Variants in ADGRV1 observed in about 807,000 individuals in gnomAD.
The protein encoded by ADGRV1 is G-protein coupled receptor 98.
ADGRV1 carries 359 observed loss-of-function variants against 596.2 expected under a neutral mutation model. The observed-to-expected ratio is 0.60, with a 90% CI of 0.55 to 0.66. The LOEUF is 0.66. Ranked by LOEUF, ADGRV1 falls within the 30% of genes least tolerant of loss-of-function variation. The pLI is 0.00. For synonymous variants in ADGRV1, 2,681 were observed against 2,679.2 expected (o/e 1.00, Z -0.02); for missense variants, 7,274 against 7,575.6 (o/e 0.96, Z 1.48).
intron 1 of ADGRV1, among the ~76,000 whole-genome samples, chr5:90,565,152 G>C (rs749691486): frequency 1.1e-4 from 17 of 152,198 alleles, no homozygotes; most frequent in Admixed American, 2.0e-4. Flanking sequence ...CAAGAGAATC[G>C]TTTGAACGCG....
chr5:90,742,229 A>G (rs1345191492), intron 50 of ADGRV1, among the ~76,000 whole-genome samples: 1 of 152,214 alleles, frequency 6.6e-6, no homozygotes, highest in African/African-American at 2.4e-5. Context: ...GATAACTGCT[A>G]TGAAAGGATA....
chr5:91,131,820 TG>T (rs1794243600), intron 87 of ADGRV1, among the ~76,000 whole-genome samples: 1 of 152,202 alleles, frequency 6.6e-6, no homozygotes, highest in African/African-American at 2.4e-5. Context: ...TGTCGATTTT[TG>T]TTTTTGTTAC....
intron 43 of ADGRV1, chr5:90,717,335 C>T (rs950254629): frequency 5.3e-5 from 8 of 149,708 alleles, no homozygotes; most frequent in African/African-American, 1.7e-4. Context: ...GGCACATGTA[C>T]ACATATGTAA....
chr5:91,148,317 AG>A (rs1795728778), intron 87 of ADGRV1, among the ~76,000 whole-genome samples: 1 of 152,170 alleles, frequency 6.6e-6, no homozygotes, highest in Non-Finnish European at 1.5e-5. Flanking sequence ...CTCCCATCAC[AG>A]GCCCGGAGGC....
rs140362954 is a variant in ADGRV1 at position 90,972,074 on chromosome 5, T to C, written c.17973+6543T>C. On this transcript the variant is annotated intron_variant, in intron 84 of 89. Transcript: ENST00000405460. ...ATCCTAGTCTCTGATAAAACAGACT[T>C]TAGACCAATAAAGCTCAAAAGAGAC... 2.0e-3 allele frequency among the ~76,000 whole-genome samples: 297 copies of C among 152,242 alleles called. 1 individual carries two copies. The highest frequency in any genetic ancestry group is 6.6e-3 in the African/African-American group (275 of 41,542).
At chr5:91,001,832 C>G (rs1348986926) in intron 85 of ADGRV1, among the ~76,000 whole-genome samples, 1 of 151,998 alleles carries the variant, frequency 6.6e-6, no homozygotes, top group Non-Finnish European at 1.5e-5. Context: ...GTCTTTCTAT[C>G]TCACACATTT....
chr5:91,046,849 G>T (rs1385029170), intron 85 of ADGRV1, among the ~76,000 whole-genome samples: 1 of 152,000 alleles, frequency 6.6e-6, no homozygotes, highest in African/African-American at 2.4e-5. Context: ...TCCAAAAGTG[G>T]GCTAAGGACA....
chr5:90,781,536 G>A lies in ADGRV1; in HGVS notation c.13189G>A (p.Glu4397Lys), dbSNP rs1317620605. 1 of 1,611,184 alleles carries A rather than the reference G, an allele frequency of 6.2e-7. No individual in the cohort carries two copies. Among genetic ancestry groups the A allele is most frequent in the East Asian group, 2.2e-5 (1 of 44,800 alleles). ...RIIIMKNDNA[E>K]GIIEFDPKYT... is the part of the protein sequence containing the mutation. ...CATAATAATGAAAAATGATAACGCAGAAGGCATCATTGAATTTGACCCAAA... is the reference window on the plus strand; with the variant it reads ...CATAATAATGAAAAATGATAACGCAAAAGGCATCATTGAATTTGACCCAAA... Residue 4397 changes from glutamate (E) to lysine (K), a missense_variant, in exon 65 of 90, where the codon GAA (glutamate) becomes AAA (lysine). Physicochemically the swap from Glu to Lys is moderately conservative, Grantham distance 56 (BLOSUM62 1). Around this residue, in one of 5 missense-constraint regions of ADGRV1, gnomAD observed 3,643 missense variants for 3,809.2 expected, o/e 0.96. Transcript: ENST00000405460.
At chr5:91,058,244 C>T (rs1787078125) in intron 85 of ADGRV1, among the ~76,000 whole-genome samples, 1 of 152,122 alleles carries the variant, frequency 6.6e-6, no homozygotes, top group Non-Finnish European at 1.5e-5. Flanking sequence ...ATGACCTCTA[C>T]TATCCCTTCT....
intron 86 of ADGRV1, among the ~76,000 whole-genome samples, chr5:91,099,444 A>C (rs541436739): frequency 6.6e-6 from 1 of 152,282 alleles, no homozygotes; most frequent in East Asian, 1.9e-4. Context: ...CGGTGTCAGA[A>C]GCCAATCGTT....
intron 64 of ADGRV1, among the ~76,000 whole-genome samples, chr5:90,780,421 G>C (rs1758715135): frequency 6.6e-6 from 1 of 152,038 alleles, no homozygotes; most frequent in Admixed American, 6.6e-5. Flanking sequence ...TCTAGGTAGG[G>C]TATAAATACC....
chr5:91,156,770 T>C (rs1796513602), intron 89 of ADGRV1, among the ~76,000 whole-genome samples: 1 of 152,186 alleles, frequency 6.6e-6, no homozygotes, highest in Non-Finnish European at 1.5e-5. Flanking sequence ...AGTAATCATG[T>C]ATCAGCCACT....
chr5:91,113,369 T>C (rs1792551398), intron 87 of ADGRV1, among the ~76,000 whole-genome samples: 1 of 152,194 alleles, frequency 6.6e-6, no homozygotes, highest in Non-Finnish European at 1.5e-5. Flanking sequence ...GAAATTTCCA[T>C]GGATGGCAGT....
chr5:90,866,544 A>G (rs1176827534), intron 83 of ADGRV1, among the ~76,000 whole-genome samples: 1 of 152,068 alleles, frequency 6.6e-6, no homozygotes, highest in Non-Finnish European at 1.5e-5. Context: ...GGCGTTCAGT[A>G]AAAAACTTGA....
chr5:90,934,332 AG>A (rs950117009), intron 83 of ADGRV1, among the ~76,000 whole-genome samples: 3 of 151,986 alleles, frequency 2.0e-5, no homozygotes, highest in African/African-American at 7.3e-5. Flanking sequence ...TATTGCTTGA[AG>A]GGGTGGAGAC....
chr5:91,034,010 A>G (rs912038975), intron 85 of ADGRV1, among the ~76,000 whole-genome samples: 3 of 152,176 alleles, frequency 2.0e-5, no homozygotes, highest in Admixed American at 2.0e-4. Flanking sequence ...AAATATTTTG[A>G]TTTCTTTATG....
chr5:90,759,384 C>G lies in ADGRV1; in HGVS notation c.11941-25C>G, dbSNP rs762634466. On this transcript the variant is annotated intron_variant, in intron 57 of 89. Coordinates refer to ENST00000405460, the MANE Select transcript of ADGRV1 (RefSeq NM_032119.4). Reference sequence around the variant, plus strand: ...CCTCCTTCTTTTCCTCCCTCTCTTTCTCCCTTCCTTCCTTTCTTTCATAGG... The same window carrying G: ...CCTCCTTCTTTTCCTCCCTCTCTTTGTCCCTTCCTTCCTTTCTTTCATAGG... 1.6e-5 allele frequency: 24 copies of G among 1,472,366 alleles called. No homozygotes were observed. In the South Asian group the frequency reaches 3.0e-4, roughly 18 times the overall value. The allele number at this position is 1,472,366 out of a possible 1,614,324, so 91.2% of individuals were successfully genotyped here. A position where few individuals can be genotyped will look rare whatever the true frequency, so the allele number is the denominator to read the frequency against.
chr5:90,753,959 C>G, intron 54 of ADGRV1, 130 bp downstream of exon 54: 5 of 854,396 alleles, frequency 5.9e-6, no homozygotes, highest in Non-Finnish European at 8.5e-6. Context: ...ATACTCAATC[C>G]TTTTTGTTTA....
chr5:91,068,211 C>T (rs1788052841), intron 85 of ADGRV1, among the ~76,000 whole-genome samples: 1 of 151,958 alleles, frequency 6.6e-6, no homozygotes. Context: ...AAACCCAGCA[C>T]TTTGGGAGGC....
Sources: gnomAD v4.1 joint callset for allele counts (sites outside exome capture counted in the v4.1 genomes callset) on GRCh38, gnomAD v4.1.1 for gene constraint, gnomAD v4.1.1 regional missense constraint, MANE v1.5 for transcripts, NCBI Gene and HGNC (gene_info 2026-07-23, HGNC 2026-07-21) for gene names.